The following KCNC2 variants were observed in gnomAD, a reference collection of about 807,000 sequenced individuals.
KCNC2 encodes voltage-gated potassium channel KCNC2.
A neutral mutation model predicts 44.5 loss-of-function variants in KCNC2; 21 were observed. The observed-to-expected ratio is 0.47, with a 90% CI of 0.33 to 0.68. KCNC2 has a LOEUF of 0.68. KCNC2 is among the 30% of genes least tolerant of loss of function. KCNC2 has a pLI of 0.01. For synonymous variants in KCNC2, 391 were observed against 339.1 expected (o/e 1.15, Z -1.68); for missense variants, 589 against 826.2 (o/e 0.71, Z 3.52).
intron 2 of KCNC2, among the ~76,000 whole-genome samples, chr12:75,111,675 G>A (rs558099480): frequency 1.3e-5 from 2 of 151,152 alleles, no homozygotes; most frequent in East Asian, 1.9e-4. Context: ...CTTAACATCC[G>A]AAGCCATGCA....
At chr12:75,080,762 A>G (rs1364819456) in intron 2 of KCNC2, among the ~76,000 whole-genome samples, 1 of 151,872 alleles carries the variant, frequency 6.6e-6, no homozygotes, top group African/African-American at 2.4e-5. Flanking sequence ...TTTCCACGTC[A>G]TTCTCTCTCT....
chr12:75,156,271 AG>A (rs751358502), intron 2 of KCNC2, among the ~76,000 whole-genome samples: 23 of 151,774 alleles, frequency 1.5e-4, no homozygotes, highest in Non-Finnish European at 3.4e-4. Flanking sequence ...TACAATTTGT[AG>A]ATAAGAATTA....
chr12:75,209,047 C>G (rs571009651), intron 1 of KCNC2, among the ~76,000 whole-genome samples, 160 bp downstream of exon 1: 1 of 152,106 alleles, frequency 6.6e-6, no homozygotes, highest in South Asian at 2.1e-4. Flanking sequence ...GTCTCGCTGA[C>G]AGTGTCCCTG....
chr12:75,066,515 T>C (rs1365023127), intron 2 of KCNC2, among the ~76,000 whole-genome samples: 1 of 152,222 alleles, frequency 6.6e-6, no homozygotes, highest in Non-Finnish European at 1.5e-5. Flanking sequence ...ATCAATCAAC[T>C]TAACTTCTGT....
At chr12:75,169,447 T>C (rs186449254) in intron 2 of KCNC2, among the ~76,000 whole-genome samples, 17 of 151,704 alleles carry the variant, frequency 1.1e-4, no homozygotes, top group African/African-American at 3.9e-4. Flanking sequence ...AAAATGATAA[T>C]TTATTCTTTT....
rs1377124694 is a variant in KCNC2, at chr12:75,207,144, C to A, written c.687+153G>T. Among the ~76,000 whole-genome samples, 1 of 152,092 alleles carries A rather than the reference C, an allele frequency of 6.6e-6. No homozygotes were observed. The highest frequency in any genetic ancestry group is 1.5e-5 in the Non-Finnish European group (1 of 68,014). On this transcript the variant is annotated intron_variant, in intron 2 of 4. Transcript: ENST00000549446. The surrounding 1 kb of genome is among the most constrained non-coding windows in gnomAD (Gnocchi z 4.1). ...TGGTGGCCGGGGTCCCTGGGTTTAC[C>A]CTGCAAAGGATGAGCCTCTAACTGT...
At chr12:75,110,183 G>T (rs745550338) in intron 2 of KCNC2, among the ~76,000 whole-genome samples, 1 of 151,968 alleles carries the variant, frequency 6.6e-6, no homozygotes, top group Non-Finnish European at 1.5e-5. Flanking sequence ...AGATTGAAAG[G>T]GTTCACCATG....
chr12:75,088,048 T>G (rs10506675), intron 2 of KCNC2, among the ~76,000 whole-genome samples: 135,354 of 151,870 alleles, frequency 0.89, 60,371 homozygotes, highest in Admixed American at 0.92. Context: ...TGACAGATAT[T>G]GTTTTAGAGC....
At chr12:75,167,254 T>A (rs531125781) in intron 2 of KCNC2, among the ~76,000 whole-genome samples, 2 of 151,394 alleles carry the variant, frequency 1.3e-5, no homozygotes, top group Admixed American at 1.3e-4. Flanking sequence ...TTTTTTATTA[T>A]CTTTAATTTT....
intron 2 of KCNC2, among the ~76,000 whole-genome samples, chr12:75,195,974 C>T (rs2030728810): frequency 6.6e-6 from 1 of 152,076 alleles, no homozygotes; most frequent in Non-Finnish European, 1.5e-5. Context: ...ACAAACAGTC[C>T]ATGCCTTCCT....
At chr12:75,121,279 A>T (rs373739931) in intron 2 of KCNC2, among the ~76,000 whole-genome samples, 1 of 152,246 alleles carries the variant, frequency 6.6e-6, no homozygotes, top group South Asian at 2.1e-4. Context: ...GAAACCAAGC[A>T]TTCTGTCTTC....
intron 2 of KCNC2, among the ~76,000 whole-genome samples, chr12:75,206,663 G>A (rs917795043): frequency 6.6e-6 from 1 of 152,162 alleles, no homozygotes; most frequent in Non-Finnish European, 1.5e-5. Flanking sequence ...GGGCTCTCTG[G>A]TCAACTCACG....
chr12:75,053,368 C>T (rs983704470), intron 2 of KCNC2, among the ~76,000 whole-genome samples: 1 of 151,816 alleles, frequency 6.6e-6, no homozygotes, highest in Non-Finnish European at 1.5e-5. Flanking sequence ...CTCACTACCT[C>T]CTTAGTAATG....
At chr12:75,115,356 T>C (rs1013172627) in intron 2 of KCNC2, among the ~76,000 whole-genome samples, 2 of 152,232 alleles carry the variant, frequency 1.3e-5, no homozygotes, top group African/African-American at 2.4e-5. Flanking sequence ...GCATGGTTAT[T>C]CAATTTTACA....
chr12:75,177,770 T>A (rs1892293135), intron 2 of KCNC2, among the ~76,000 whole-genome samples: 1 of 151,984 alleles, frequency 6.6e-6, no homozygotes, highest in Non-Finnish European at 1.5e-5. Flanking sequence ...AATTGAACAA[T>A]TTACCTACAA....
intron 2 of KCNC2, among the ~76,000 whole-genome samples, chr12:75,123,463 T>C (rs1888183983): frequency 6.6e-6 from 1 of 152,200 alleles, no homozygotes; most frequent in African/African-American, 2.4e-5. Flanking sequence ...CTTTCCCAAA[T>C]GCCTCCTTTA....
chr12:75,148,435 T>A (rs1481108998), intron 2 of KCNC2, among the ~76,000 whole-genome samples: 1 of 152,060 alleles, frequency 6.6e-6, no homozygotes, highest in Non-Finnish European at 1.5e-5. Flanking sequence ...GAGGTCTGCC[T>A]GCCCCTAGCT....
chr12:75,169,528 T>C (rs1241707559), intron 2 of KCNC2, among the ~76,000 whole-genome samples: 1 of 151,558 alleles, frequency 6.6e-6, no homozygotes, highest in Non-Finnish European at 1.5e-5. Context: ...CTCGGGAAAA[T>C]TCTCTTTAGC....
chr12:75,060,640 A>AT (rs943399784), intron 2 of KCNC2, among the ~76,000 whole-genome samples: 69 of 150,182 alleles, frequency 4.6e-4, no homozygotes, highest in East Asian at 5.9e-4. Context: ...TAATTTTTGT[A>AT]TTTTTTTTTA....
Sources: gnomAD v4.1 joint callset for allele counts (sites outside exome capture counted in the v4.1 genomes callset) on GRCh38, gnomAD v4.1.1 for gene constraint, Gnocchi (gnomAD v3.1) non-coding constraint, MANE v1.5 for transcripts, NCBI Gene and HGNC (gene_info 2026-07-23, HGNC 2026-07-21) for gene names.